ASAP2: variants seen among roughly 807,000 people sequenced by gnomAD.
The protein encoded by ASAP2 is arf-GAP with SH3 domain, ANK repeat and PH domain-containing protein 2.
A neutral mutation model predicts 131.4 loss-of-function variants in ASAP2; 45 were observed. The observed-to-expected ratio is 0.34, with a 90% CI of 0.27 to 0.44. ASAP2 has a LOEUF of 0.44. Ranked by LOEUF, ASAP2 falls within the 20% of genes least tolerant of loss-of-function variation. The probability of loss-of-function intolerance (pLI) is 1.00; values close to 1 mark genes in which losing one functional copy is unlikely to be tolerated. For missense variants in ASAP2, 1,011 were observed against 1,297.0 expected (o/e 0.78, Z 3.39); for synonymous variants, 510 against 503.0 (o/e 1.01, Z -0.19).
intron 3 of ASAP2, among the ~76,000 whole-genome samples, chr2:9,300,367 G>A (rs553861075): frequency 1.3e-5 from 2 of 152,250 alleles, no homozygotes; most frequent in South Asian, 4.1e-4. Flanking sequence ...AAGGGCAGCT[G>A]CATAGTTAAA....
Position 9,271,311 on chromosome 2 carries a change from C to T in ASAP2, c.127-8006C>T, listed in dbSNP as rs1572314274. On this transcript the variant is annotated intron_variant, in intron 1 of 27. Transcript: ENST00000281419. ...TAAACCCCATGAATCTTCAGCTGAT[C>T]GTCCTTAGCCAGTCCAAGCTCTACG... The T allele has an allele frequency of 1.6e-5, 14 of 884,510 alleles. No individual in the cohort carries two copies. In the East Asian group the frequency reaches 1.9e-4, roughly 12 times the overall value. 54.8% of individuals were successfully genotyped at this position (884,510 alleles called of 1,614,324 possible). A position where few individuals can be genotyped will look rare whatever the true frequency, so the allele number is the denominator to read the frequency against.
intron 3 of ASAP2, among the ~76,000 whole-genome samples, chr2:9,301,660 A>G (rs187688906): frequency 6.6e-6 from 1 of 152,180 alleles, no homozygotes; most frequent in African/African-American, 2.4e-5. Context: ...CCCGCTCCAC[A>G]TGAAGATCAG....
intron 1 of ASAP2, among the ~76,000 whole-genome samples, chr2:9,266,552 T>TGG (rs34469167): frequency 6.6e-6 from 1 of 152,142 alleles, no homozygotes; most frequent in Admixed American, 6.5e-5. Context: ...CCCTCACTGC[T>TGG]GGGGGGCCTG....
In ASAP2 at chr2:9,341,081, T is replaced by C. The variant is rs368884304; in HGVS notation, c.850-3451T>C. ...GAGAGTACATTGGAGTCTCCAGGAATTGGGGCAACATGGACCGCCCTGGCC... is the reference window on the plus strand; with the variant it reads ...GAGAGTACATTGGAGTCTCCAGGAACTGGGGCAACATGGACCGCCCTGGCC... On this transcript the variant is annotated intron_variant, in intron 9 of 27. Transcript: ENST00000281419. Among the ~76,000 whole-genome samples the C allele has an allele frequency of 1.4e-3, 214 of 152,270 alleles. 8 individuals are homozygous for C. The South Asian group carries it at 0.04, about 28-fold the overall frequency.
chr2:9,248,584 G>A (rs1664495959), intron 1 of ASAP2, among the ~76,000 whole-genome samples: 1 of 152,062 alleles, frequency 6.6e-6, no homozygotes, highest in African/African-American at 2.4e-5. Flanking sequence ...CCTCAGAGGT[G>A]TGTTCAGAAT....
intron 15 of ASAP2, among the ~76,000 whole-genome samples, chr2:9,360,006 C>T (rs964338912): frequency 3.9e-5 from 6 of 152,152 alleles, no homozygotes; most frequent in Non-Finnish European, 5.9e-5. Context: ...TAATAATGCA[C>T]GTAACCTACA....
At chr2:9,400,508 C>T (rs1218640185) in intron 25 of ASAP2, among the ~76,000 whole-genome samples, 2 of 151,002 alleles carry the variant, frequency 1.3e-5, no homozygotes, top group Admixed American at 6.6e-5. Flanking sequence ...GCAGCTCAGT[C>T]CTGGGGCCCC....
chr2:9,239,091 G>A (rs1663759267), intron 1 of ASAP2, among the ~76,000 whole-genome samples: 1 of 152,188 alleles, frequency 6.6e-6, no homozygotes, highest in Non-Finnish European at 1.5e-5. Flanking sequence ...GTTGCCTTCT[G>A]TTCCTAGTTT....
intron 3 of ASAP2, among the ~76,000 whole-genome samples, chr2:9,306,494 C>T (rs920030433): frequency 2.6e-5 from 4 of 151,680 alleles, no homozygotes; most frequent in South Asian, 2.1e-4. Flanking sequence ...GGGTTGATAA[C>T]GGAAGAGGAA....
chr2:9,257,766 C>T (rs149301893), intron 1 of ASAP2, among the ~76,000 whole-genome samples: 62 of 152,180 alleles, frequency 4.1e-4, no homozygotes, highest in Admixed American at 1.8e-3. Context: ...TCAAGTGATC[C>T]GCCCGCCTCG....
intron 2 of ASAP2, among the ~76,000 whole-genome samples, chr2:9,296,263 G>C (rs1227415648): frequency 6.6e-6 from 1 of 152,234 alleles, no homozygotes; most frequent in Non-Finnish European, 1.5e-5. Context: ...CTTTGAAAGT[G>C]CCTGACCTAG....
intron 5 of ASAP2, 55 bp from the exon 6 acceptor site, chr2:9,323,066 C>G: frequency 1.2e-6 from 2 of 1,608,660 alleles, no homozygotes; most frequent in East Asian, 4.5e-5. Flanking sequence ...TCAAGGCTGT[C>G]CCGTTGAGTT....
chr2:9,393,564 C>T lies in ASAP2; in HGVS notation c.2601C>T (p.Ala867=). The change falls in exon 24 of 28, where the codon GCC becomes GCT. Residue 867 remains alanine (A), a synonymous_variant. Transcript: ENST00000281419. ...CCTTGAGCCAGCCGAGCAAGCCTGCCCCGCCTGGGATCTCACAGATCAGGC... is the reference window on the plus strand; with the variant it reads ...CCTTGAGCCAGCCGAGCAAGCCTGCTCCGCCTGGGATCTCACAGATCAGGC... ...MEALSQPSKP[A]PPGISQIRPP... The T allele has an allele frequency of 6.3e-7, 1 of 1,599,802 alleles. No individual in the cohort carries two copies. Among genetic ancestry groups the T allele is most frequent in the African/African-American group, 1.3e-5 (1 of 74,662 alleles).
At chr2:9,325,266 A>G (rs981318201) in intron 6 of ASAP2, among the ~76,000 whole-genome samples, 1 of 152,218 alleles carries the variant, frequency 6.6e-6, no homozygotes, top group East Asian at 1.9e-4. Context: ...TACCTCATAG[A>G]GTGGCAGAGA....
rs1487052927 is a variant in ASAP2, at chr2:9,279,344, T to C, written c.154T>C (p.Tyr52His). The C allele has an allele frequency of 6.2e-7, 1 of 1,614,186 alleles. No individual in the cohort carries two copies. The highest frequency in any genetic ancestry group is 8.5e-7 in the Non-Finnish European group (1 of 1,180,014). Residue 52 changes from tyrosine (Y) to histidine (H), a missense_variant, in exon 2 of 28, where the codon TAC becomes CAC. Transcript: ENST00000281419. ...EALDVDRMVL[Y>H]KMKKSVKAIN... Reference sequence around the variant, plus strand: ...TTTGGACGTGGACCGGATGGTTCTTTACAAAATGAAGAAATCCGTGAAAGC... The same window carrying C: ...TTTGGACGTGGACCGGATGGTTCTTCACAAAATGAAGAAATCCGTGAAAGC...
At chr2:9,310,012 C>T (rs964669363) in intron 3 of ASAP2, among the ~76,000 whole-genome samples, 1 of 152,190 alleles carries the variant, frequency 6.6e-6, no homozygotes, top group Non-Finnish European at 1.5e-5. Context: ...GGCTGTTTCA[C>T]ACTCTGATAC....
intron 1 of ASAP2, among the ~76,000 whole-genome samples, chr2:9,277,745 G>A (rs911197297): frequency 2.6e-5 from 4 of 152,116 alleles, no homozygotes; most frequent in African/African-American, 9.7e-5. Context: ...TCACCTTAGG[G>A]CTCACTCTTG....
chr2:9,295,564 GA>G (rs925497320), intron 2 of ASAP2, among the ~76,000 whole-genome samples: 5 of 152,146 alleles, frequency 3.3e-5, no homozygotes, highest in African/African-American at 1.2e-4. Context: ...GCGTCACTGT[GA>G]CTTACCAAGG....
chr2:9,332,104 A>G (rs1214383611), intron 7 of ASAP2, among the ~76,000 whole-genome samples: 1 of 152,104 alleles, frequency 6.6e-6, no homozygotes. Context: ...ATTTTAAAGG[A>G]TAGAAATACA....
Sources: gnomAD v4.1 joint callset for allele counts (sites outside exome capture counted in the v4.1 genomes callset) on GRCh38, gnomAD v4.1.1 for gene constraint, MANE v1.5 for transcripts, NCBI Gene and HGNC (gene_info 2026-07-23, HGNC 2026-07-21) for gene names.